Variants in KIAA0825 observed in about 807,000 individuals in gnomAD.
KIAA0825 encodes uncharacterized protein KIAA0825.
In KIAA0825, 119 loss-of-function variants were observed where a neutral mutation model predicts 147.6. The ratio of observed to expected loss-of-function variants is 0.81; its 90% CI spans 0.69 to 0.94. The LOEUF (loss-of-function observed/expected upper bound fraction) is 0.94, where lower values mean the gene tolerates loss of function less well. Among genes scored for constraint, KIAA0825 ranks in the 40% least tolerant of loss-of-function variants. KIAA0825 has a pLI of 0.00. For synonymous variants in KIAA0825, 470 were observed against 518.1 expected, an observed-to-expected ratio of 0.91 and a Z score of 1.26; for missense variants, 1,381 against 1,472.7, an observed-to-expected ratio of 0.94 and a Z score of 1.02.
At chr5:94,324,021 A>G (rs1251919598) in intron 20 of KIAA0825, among the ~76,000 whole-genome samples, 1 of 152,034 alleles carries the variant, frequency 6.6e-6, no homozygotes, top group African/African-American at 2.4e-5. Context: ...TAATGAAGAG[A>G]GCCTTCAAAG....
At chr5:94,268,056 A>G (rs954931002) in intron 20 of KIAA0825, among the ~76,000 whole-genome samples, 1 of 152,124 alleles carries the variant, frequency 6.6e-6, no homozygotes, top group Non-Finnish European at 1.5e-5. Context: ...TGTTTATTCA[A>G]TAAACATGTG....
intron 14 of KIAA0825, among the ~76,000 whole-genome samples, chr5:94,433,455 T>C (rs1584479910): frequency 6.6e-6 from 1 of 152,266 alleles, no homozygotes; most frequent in South Asian, 2.1e-4. Context: ...AAAGGTACTA[T>C]GAAAATTATC....
chr5:94,392,649 G>A (rs1584356768), intron 17 of KIAA0825, among the ~76,000 whole-genome samples: 2 of 152,150 alleles, frequency 1.3e-5, no homozygotes, highest in African/African-American at 4.8e-5. Context: ...TTTCTGTGGT[G>A]TAATCAGCTG....
At chr5:94,233,820 A>G (rs1487828520) in intron 20 of KIAA0825, among the ~76,000 whole-genome samples, 6 of 152,220 alleles carry the variant, frequency 3.9e-5, no homozygotes, top group Non-Finnish European at 5.9e-5. Flanking sequence ...TTTGTAACTT[A>G]TGGCTCAGTG....
At chr5:94,181,590 T>G (rs1769618797) in intron 20 of KIAA0825, among the ~76,000 whole-genome samples, 1 of 152,190 alleles carries the variant, frequency 6.6e-6, no homozygotes, top group African/African-American at 2.4e-5. Flanking sequence ...GCCAATGAAA[T>G]TAGAGTCAAT....
intron 20 of KIAA0825, among the ~76,000 whole-genome samples, chr5:94,287,444 C>A (rs1777709664): frequency 6.6e-6 from 1 of 152,204 alleles, no homozygotes; most frequent in South Asian, 2.1e-4. Context: ...AAAGGGGCAA[C>A]TACTTCAGCC....
intron 2 of KIAA0825, among the ~76,000 whole-genome samples, chr5:94,549,140 T>C (rs1775027628): frequency 6.6e-6 from 1 of 152,176 alleles, no homozygotes; most frequent in African/African-American, 2.4e-5. Flanking sequence ...ATTTTTTCAG[T>C]GTATTTCGCT....
At chr5:94,350,939 T>C (rs912729926) in intron 20 of KIAA0825, among the ~76,000 whole-genome samples, 1 of 147,858 alleles carries the variant, frequency 6.8e-6, no homozygotes, top group Non-Finnish European at 1.5e-5. Context: ...CACGCTGGAG[T>C]GCAATGGCAT....
At position 94,219,008 on chromosome 5, in the gene KIAA0825, C is replaced by G. The variant is rs1351599389; in HGVS notation, c.3711-64884G>C. Among the ~76,000 whole-genome samples the G allele has an allele frequency of 2.0e-5, 3 of 152,072 alleles. No homozygotes were observed. In the East Asian group the frequency reaches 5.8e-4, roughly 29 times the overall value. On this transcript the variant is annotated intron_variant, in intron 20 of 20. Transcript: ENST00000682413. ...CTAAGCTTTATGTATATTAGATACT[C>G]CATAAGTAGCTCATAAAGGTCCCCA...
chr5:94,544,564 A>G (rs1773959331), intron 2 of KIAA0825, among the ~76,000 whole-genome samples: 1 of 152,074 alleles, frequency 6.6e-6, no homozygotes, highest in African/African-American at 2.4e-5. Context: ...TTTACTTTCT[A>G]TCTTCCAGAA....
chr5:94,166,631 C>A (rs1768071342), intron 20 of KIAA0825, among the ~76,000 whole-genome samples: 1 of 151,528 alleles, frequency 6.6e-6, no homozygotes, highest in Non-Finnish European at 1.5e-5. Flanking sequence ...CCTCAGCCTC[C>A]TGAGTAGCTG....
intron 20 of KIAA0825, among the ~76,000 whole-genome samples, chr5:94,229,979 C>G (rs1253986713): frequency 6.6e-6 from 1 of 152,040 alleles, no homozygotes; most frequent in African/African-American, 2.4e-5. Flanking sequence ...TTGCCTCAAG[C>G]ATTTAGGCTA....
Position 94,400,840 on chromosome 5 carries a change from G to A in KIAA0825, c.2887+2729C>T, listed in dbSNP as rs117239894. ...CTTTAAATCTTCAGTGTTTTTTAAT[G>A]TCACAGTATTTGCTGATAAAGAAAT... On this transcript the variant is annotated intron_variant, in intron 16 of 20. Transcript: ENST00000682413. 2.0e-4 allele frequency among the ~76,000 whole-genome samples: 31 copies of A among 151,952 alleles called. No homozygotes were observed. In the East Asian group the frequency reaches 6.0e-3, roughly 29 times the overall value.
chr5:94,476,495 G>A (rs776266380), intron 7 of KIAA0825, among the ~76,000 whole-genome samples: 3 of 152,170 alleles, frequency 2.0e-5, no homozygotes, highest in Non-Finnish European at 4.4e-5. Context: ...ACAGGGCTCA[G>A]GGTGGAGATA....
intron 20 of KIAA0825, among the ~76,000 whole-genome samples, chr5:94,374,922 C>T (rs964502801): frequency 2.0e-5 from 3 of 152,126 alleles, no homozygotes; most frequent in African/African-American, 7.2e-5. Flanking sequence ...CCCACACTCT[C>T]TGAAGAAAAG....
Position 94,353,763 on chromosome 5 carries a change from G to A in KIAA0825, c.3710+30605C>T, listed in dbSNP as rs543432788. On this transcript the variant is annotated intron_variant, in intron 20 of 20. Transcript: ENST00000682413. The stretch of plus-strand genomic sequence containing the variant: ...GACCACAGGAGAATAGTTGCTAAAA[G>A]TTATGCACTGATGTACAGCAAAAGG... 8.5e-5 allele frequency among the ~76,000 whole-genome samples: 13 copies of A among 152,202 alleles called. No individual in the cohort carries two copies. In the East Asian group the frequency reaches 1.9e-3, roughly 23 times the overall value.
intron 20 of KIAA0825, among the ~76,000 whole-genome samples, chr5:94,172,006 G>A (rs879250455): frequency 3.9e-5 from 6 of 152,202 alleles, no homozygotes; most frequent in East Asian, 1.9e-4. Flanking sequence ...AGGATTCCAC[G>A]CTGAAGATAG....
rs144843703 is a variant in KIAA0825 at position 94,159,274 on chromosome 5, A to G, written c.3711-5150T>C. Among the ~76,000 whole-genome samples the G allele has an allele frequency of 5.3e-3, 805 of 152,282 alleles. 7 individuals are homozygous for G. Among genetic ancestry groups the G allele is most frequent in the African/African-American group, 0.019 (789 of 41,552 alleles). On this transcript the variant is annotated intron_variant, in intron 20 of 20. Transcript: ENST00000682413. ...TCTAGGCTTGAATCCTGACTCTGCC[A>G]CTTACTAGCTGTGTGATATTGAACA... is the stretch of plus-strand genomic sequence containing the variant.
intron 1 of KIAA0825, among the ~76,000 whole-genome samples, chr5:94,601,228 C>T (rs1355143133): frequency 6.6e-6 from 1 of 152,140 alleles, no homozygotes; most frequent in Non-Finnish European, 1.5e-5. Flanking sequence ...GGTAGGCTGC[C>T]ATCTTTACTA....
Sources: allele counts gnomAD v4.1 joint callset (sites outside exome capture counted in the v4.1 genomes callset), GRCh38; gene constraint gnomAD v4.1.1; transcripts MANE v1.5; gene names NCBI Gene and HGNC (gene_info 2026-07-23, HGNC 2026-07-21).